CCL17: variants seen among roughly 807,000 people sequenced by gnomAD.
The protein encoded by CCL17 is C-C motif chemokine 17.
In CCL17, 8 loss-of-function variants were observed where a neutral mutation model predicts 7.4. The observed-to-expected ratio is 1.09, with a 90% CI of 0.64 to 1.96. The LOEUF (loss-of-function observed/expected upper bound fraction) is 1.96. Ranked by LOEUF, CCL17 falls within the 30% of genes most tolerant of loss-of-function variation. CCL17 has a pLI of 0.00. For missense variants in CCL17, 102 were observed against 113.0 expected (o/e 0.90, Z 0.44); for synonymous variants, 40 against 46.1 (o/e 0.87, Z 0.54).
chr16:57,404,058 A>T (rs1343908104), upstream of CCL17, among the ~76,000 whole-genome samples: 1 of 152,146 alleles, frequency 6.6e-6, no homozygotes, highest in African/African-American at 2.4e-5. Flanking sequence ...AGGAAGGAGC[A>T]TGTCTGTCTG....
At chr16:57,407,516 T>C (rs1902713967) in intron 1 of CCL17, among the ~76,000 whole-genome samples, 1 of 152,190 alleles carries the variant, frequency 6.6e-6, no homozygotes, top group South Asian at 2.1e-4. Flanking sequence ...GTTCAGAATC[T>C]CTAAGTGACC....
upstream of CCL17, among the ~76,000 whole-genome samples, chr16:57,403,581 A>T (rs1159147175): frequency 1.1e-4 from 7 of 65,424 alleles, 1 homozygote; most frequent in African/African-American, 4.1e-4. Context: ...TTTATAATAT[A>T]TATAATATAT....
chr16:57,407,502 T>A (rs1423993746), intron 1 of CCL17, among the ~76,000 whole-genome samples: 1 of 152,190 alleles, frequency 6.6e-6, no homozygotes, highest in Non-Finnish European at 1.5e-5. Flanking sequence ...GGGCCCATGT[T>A]GTAGTTCAGA....
Position 57,416,057 on chromosome 16 carries a change from A to G in CCL17, c.*196A>G, listed in dbSNP as rs1902865839. On this transcript the variant is annotated 3_prime_UTR_variant, in exon 4 of 4. Coordinates refer to ENST00000219244, the MANE Select transcript of CCL17 (RefSeq NM_002987.3). ...ACAAAGGGCCCAGATTAAAGTCTTT[A>G]TCCTCAGTCTGTGTCAGCGTGTCTG... 1.8e-6 allele frequency: 1 copy of G among 560,308 alleles called. No homozygotes were observed. The highest frequency in any genetic ancestry group is 3.1e-5 in the Admixed American group (1 of 32,602). 34.7% of individuals were successfully genotyped at this position (560,308 alleles called of 1,614,324 possible). A position where few individuals can be genotyped will look rare whatever the true frequency, so the allele number is the denominator to read the frequency against.
chr16:57,401,538 A>AT (rs1435803409), upstream of CCL17, among the ~76,000 whole-genome samples: 1 of 152,010 alleles, frequency 6.6e-6, no homozygotes, highest in African/African-American at 2.4e-5. Context: ...AAAAAAAAAA[A>AT]AGAAAAAAAG....
At chr16:57,397,118 C>G in the CCL17 span, among the ~76,000 whole-genome samples, 1 of 152,226 alleles carries the variant, frequency 6.6e-6, no homozygotes, top group Admixed American at 6.5e-5. Flanking sequence ...ATATGAGAGA[C>G]GTCTAACTGC....
intron 1 of CCL17, among the ~76,000 whole-genome samples, chr16:57,410,985 G>A (rs1414846449): frequency 1.3e-5 from 2 of 152,230 alleles, no homozygotes; most frequent in Non-Finnish European, 2.9e-5. Flanking sequence ...CCATGCCGGG[G>A]TTTCATGCTG....
At chr16:57,408,388 A>T (rs1345065110) in intron 1 of CCL17, among the ~76,000 whole-genome samples, 1 of 151,668 alleles carries the variant, frequency 6.6e-6, no homozygotes, top group African/African-American at 2.4e-5. Context: ...CCATACAACC[A>T]CTCACCTATT....
intron 1 of CCL17, among the ~76,000 whole-genome samples, chr16:57,408,572 CTA>C (rs1433840904): frequency 1.5e-5 from 2 of 134,854 alleles, no homozygotes; most frequent in African/African-American, 3.8e-5. Context: ...TAACACCTGG[CTA>C]TTTTTTTTTT....
At chr16:57,404,574 C>G (rs907972026), upstream of CCL17, among the ~76,000 whole-genome samples, 1 of 151,768 alleles carries the variant, frequency 6.6e-6, no homozygotes. Flanking sequence ...TTTGGTATGG[C>G]GAGTAGGCAG....
chr16:57,415,719 G>A lies in CCL17; in HGVS notation c.189-46G>A. 1.6e-6 allele frequency: 2 copies of A among 1,281,594 alleles called. No homozygotes were observed. The highest frequency in any genetic ancestry group is 1.1e-6 in the Non-Finnish European group (1 of 877,396). 79.4% of individuals were successfully genotyped at this position (1,281,594 alleles called of 1,614,324 possible). A position where few individuals can be genotyped will look rare whatever the true frequency, so the allele number is the denominator to read the frequency against. ...GCGGGCCGTCCCAGGGACTCTGGGG[G>A]CCCTTCCCCCCCTGCCACTCCTGGT... On this transcript the variant is annotated intron_variant, in intron 3 of 3. Coordinates refer to ENST00000219244, the MANE Select transcript of CCL17 (RefSeq NM_002987.3). This position sits in a 1 kb window ranked among gnomAD's most constrained non-coding sequence, Gnocchi z 4.5.
upstream of CCL17, among the ~76,000 whole-genome samples, chr16:57,401,917 C>G (rs1352042348): frequency 6.6e-6 from 1 of 152,222 alleles, no homozygotes; most frequent in Non-Finnish European, 1.5e-5. Flanking sequence ...CCCCAACTTT[C>G]CCTCCACTTC....
At chr16:57,400,152 G>A (rs765515288), upstream of CCL17, among the ~76,000 whole-genome samples, 6 of 152,170 alleles carry the variant, frequency 3.9e-5, no homozygotes, top group Non-Finnish European at 8.8e-5. Context: ...GAGGTCAGGA[G>A]ATCGAGACCA....
chr16:57,399,436 C>CT, the CCL17 span, among the ~76,000 whole-genome samples: 2 of 151,946 alleles, frequency 1.3e-5, no homozygotes, highest in Non-Finnish European at 2.9e-5. Flanking sequence ...CATTGACCTT[C>CT]TTTTTTTTAC....
chr16:57,407,327 C>T (rs1038448018), intron 1 of CCL17, among the ~76,000 whole-genome samples: 5 of 152,132 alleles, frequency 3.3e-5, no homozygotes, highest in Admixed American at 1.3e-4. Flanking sequence ...ATGGCCACAA[C>T]CACAAGGAAG....
chr16:57,403,913 T>A (rs946394934), upstream of CCL17, among the ~76,000 whole-genome samples: 8 of 151,444 alleles, frequency 5.3e-5, no homozygotes, highest in African/African-American at 1.7e-4. Context: ...TGCCTCGGCC[T>A]CCCAAAGTGC....
At chr16:57,401,753 C>A (rs62037104), upstream of CCL17, among the ~76,000 whole-genome samples, 2,158 of 152,140 alleles carry the variant, frequency 0.014, 23 homozygotes, top group South Asian at 0.066. Flanking sequence ...TGGTTAGCAA[C>A]GCTGATGCCC....
intron 1 of CCL17, among the ~76,000 whole-genome samples, chr16:57,410,121 C>T (rs1263845917): frequency 6.6e-6 from 1 of 152,192 alleles, no homozygotes; most frequent in African/African-American, 2.4e-5. Flanking sequence ...GCCCCAGCCG[C>T]TTGGCTGCCC....
At chr16:57,400,477 A>T (rs1902577424), upstream of CCL17, among the ~76,000 whole-genome samples, 1 of 151,426 alleles carries the variant, frequency 6.6e-6, no homozygotes. Flanking sequence ...CAGTTCTTTG[A>T]CACTTTTTTT....
Sources: gnomAD v4.1 joint callset for allele counts (sites outside exome capture counted in the v4.1 genomes callset) on GRCh38, gnomAD v4.1.1 for gene constraint, Gnocchi (gnomAD v3.1) non-coding constraint, MANE v1.5 for transcripts, NCBI Gene and HGNC (gene_info 2026-07-23, HGNC 2026-07-21) for gene names.